ARHGAP26: variants seen among roughly 807,000 people sequenced by gnomAD.
ARHGAP26 encodes Rho GTPase activating protein 26, also known as rho GTPase-activating protein 26.
ARHGAP26 carries 38 observed loss-of-function variants against 104.8 expected under a neutral mutation model. That is an observed-to-expected ratio of 0.36 (90% CI 0.28 to 0.48). The LOEUF (loss-of-function observed/expected upper bound fraction) is 0.48. Among genes scored for constraint, ARHGAP26 ranks in the 20% least tolerant of loss-of-function variants. The pLI is 0.99. For synonymous variants in ARHGAP26, 341 were observed against 340.0 expected, an observed-to-expected ratio of 1.00 and a Z score of -0.03; for missense variants, 704 against 947.9, an observed-to-expected ratio of 0.74 and a Z score of 3.38.
At chr5:142,920,514 T>C (rs1763060985) in intron 10 of ARHGAP26, among the ~76,000 whole-genome samples, 1 of 152,218 alleles carries the variant, frequency 6.6e-6, no homozygotes, top group Admixed American at 6.6e-5. Context: ...TCTGATTCCC[T>C]GAATCAATAA....
intron 20 of ARHGAP26, among the ~76,000 whole-genome samples, chr5:143,157,457 C>T (rs1392407884): frequency 6.6e-6 from 1 of 152,190 alleles, no homozygotes; most frequent in Non-Finnish European, 1.5e-5. Context: ...GGACTACAGG[C>T]GTGAGCCACC....
chr5:142,907,671 TATAG>T, intron 8 of ARHGAP26, 29 bp from the exon 9 acceptor site: 1 of 1,476,316 alleles, frequency 6.8e-7, no homozygotes, highest in Non-Finnish European at 9.4e-7. Context: ...CAGTGGAATG[TATAG>T]ATATTTTATG....
chr5:143,163,452 T>G (rs1599312598), intron 20 of ARHGAP26, among the ~76,000 whole-genome samples: 1 of 151,906 alleles, frequency 6.6e-6, no homozygotes, highest in African/African-American at 2.4e-5. Context: ...TTTGTTTGTT[T>G]GTTTGTTTGT....
chr5:143,066,649 A>T (rs939151890), intron 17 of ARHGAP26, among the ~76,000 whole-genome samples: 10 of 152,186 alleles, frequency 6.6e-5, no homozygotes, highest in Admixed American at 5.2e-4. Flanking sequence ...GGCTTTCTTC[A>T]TAGTTTTGTT....
intron 17 of ARHGAP26, among the ~76,000 whole-genome samples, chr5:143,091,475 A>G (rs1009585749): frequency 6.6e-6 from 1 of 152,204 alleles, no homozygotes; most frequent in African/African-American, 2.4e-5. Flanking sequence ...AGTCCTTGGT[A>G]CCTTTTTACT....
rs183115249 is a variant in ARHGAP26, at chr5:142,873,008, A to G, written c.155-392A>G. Among the ~76,000 whole-genome samples, 36 of 152,274 alleles carry G rather than the reference A, an allele frequency of 2.4e-4. No homozygotes were observed. In the East Asian group the frequency reaches 6.8e-3, roughly 29 times the overall value. ...ACTGTTGAGTCAGACTTGTGGGGGA[A>G]ACTGCACTGACTGTGTGGAGGGTCA... On this transcript the variant is annotated intron_variant, in intron 1 of 22. Transcript: ENST00000645722.
intron 11 of ARHGAP26, among the ~76,000 whole-genome samples, chr5:142,943,019 G>A (rs1766602077): frequency 1.3e-5 from 2 of 152,212 alleles, no homozygotes; most frequent in African/African-American, 4.8e-5. Flanking sequence ...GGCCTCAAGT[G>A]ATCCACCTGC....
At chr5:142,812,440 C>T (rs563393510) in intron 1 of ARHGAP26, among the ~76,000 whole-genome samples, 29 of 152,004 alleles carry the variant, frequency 1.9e-4, no homozygotes, top group African/African-American at 6.8e-4. Flanking sequence ...TGGGTTCAAG[C>T]AATTCTCGTG....
At chr5:142,932,501 A>G (rs548056860) in intron 11 of ARHGAP26, among the ~76,000 whole-genome samples, 2 of 152,174 alleles carry the variant, frequency 1.3e-5, no homozygotes, top group African/African-American at 2.4e-5. Flanking sequence ...CATTTCAGCG[A>G]TGCTGGCCTC....
chr5:143,188,285 G>C (rs1805440570), intron 20 of ARHGAP26, among the ~76,000 whole-genome samples: 1 of 152,170 alleles, frequency 6.6e-6, no homozygotes, highest in Non-Finnish European at 1.5e-5. Flanking sequence ...AAGATCAGTG[G>C]TTCCCATCTC....
intron 1 of ARHGAP26, among the ~76,000 whole-genome samples, chr5:142,811,968 C>T (rs189966968): frequency 4.6e-5 from 7 of 152,248 alleles, no homozygotes; most frequent in South Asian, 2.1e-4. Context: ...TCATAGCACT[C>T]GAAGAACTCC....
chr5:142,987,085 C>T (rs949398671), intron 11 of ARHGAP26, among the ~76,000 whole-genome samples: 13 of 152,210 alleles, frequency 8.5e-5, no homozygotes, highest in African/African-American at 1.9e-4. Context: ...TTACCTTGGG[C>T]GGTATGGCCA....
intron 12 of ARHGAP26, among the ~76,000 whole-genome samples, chr5:143,035,858 C>T (rs1343815077): frequency 1.3e-5 from 2 of 149,778 alleles, no homozygotes; most frequent in African/African-American, 2.5e-5. Flanking sequence ...CTCGCTTGAA[C>T]CCAGGAGGCG....
chr5:142,823,619 A>AG (rs1344496366), intron 1 of ARHGAP26, among the ~76,000 whole-genome samples: 1 of 152,226 alleles, frequency 6.6e-6, no homozygotes, highest in Non-Finnish European at 1.5e-5. Flanking sequence ...TAAGAAAAAA[A>AG]AAATCCTGTT....
At chr5:142,949,836 G>A (rs1421860602) in intron 11 of ARHGAP26, among the ~76,000 whole-genome samples, 3 of 152,206 alleles carry the variant, frequency 2.0e-5, no homozygotes, top group Admixed American at 6.5e-5. Flanking sequence ...CATACAGGGT[G>A]TTGGCATATG....
chr5:142,815,686 C>T (rs1161699046), intron 1 of ARHGAP26, among the ~76,000 whole-genome samples: 3 of 152,192 alleles, frequency 2.0e-5, no homozygotes, highest in South Asian at 2.1e-4. Context: ...ACAGGCTGTC[C>T]CCAGGACCTG....
chr5:143,097,677 C>G (rs551850281), intron 17 of ARHGAP26, among the ~76,000 whole-genome samples: 1 of 152,092 alleles, frequency 6.6e-6, no homozygotes, highest in South Asian at 2.1e-4. Context: ...AAAAAATTAG[C>G]TGGATGTGGT....
intron 21 of ARHGAP26, among the ~76,000 whole-genome samples, chr5:143,209,408 C>T (rs1375660346): frequency 6.6e-6 from 1 of 152,126 alleles, no homozygotes; most frequent in African/African-American, 2.4e-5. Context: ...TCTGGGGTCA[C>T]AGTTACTCAG....
chr5:142,885,542 GT>G, intron 5 of ARHGAP26, 143 bp downstream of exon 5: 1 of 639,454 alleles, frequency 1.6e-6, no homozygotes, highest in Non-Finnish European at 2.7e-6. Flanking sequence ...CCCTCATCCA[GT>G]GCCTGATGCC....
Sources: allele counts gnomAD v4.1 joint callset (sites outside exome capture counted in the v4.1 genomes callset), GRCh38; gene constraint gnomAD v4.1.1; transcripts MANE v1.5; gene names NCBI Gene and HGNC (gene_info 2026-07-23, HGNC 2026-07-21).